UHRF2: variants seen among roughly 807,000 people sequenced by gnomAD.
The protein encoded by UHRF2 is ubiquitin like with PHD and ring finger domains 2.
A neutral mutation model predicts 96.8 loss-of-function variants in UHRF2; 23 were observed. The ratio of observed to expected loss-of-function variants is 0.24; its 90% CI spans 0.17 to 0.34. UHRF2 has a LOEUF of 0.34. Among genes scored for constraint, UHRF2 ranks in the 10% least tolerant of loss-of-function variants. UHRF2 has a pLI of 1.00. For missense variants in UHRF2, 685 were observed against 981.5 expected, an observed-to-expected ratio of 0.70 and a Z score of 4.04; for synonymous variants, 385 against 332.6, an observed-to-expected ratio of 1.16 and a Z score of -1.72.
chr9:6,491,921 C>G (rs1824681775), intron 9 of UHRF2, among the ~76,000 whole-genome samples: 1 of 152,084 alleles, frequency 6.6e-6, no homozygotes, highest in Non-Finnish European at 1.5e-5. Context: ...TTAATAGAGA[C>G]AAGGTCTCGC....
chr9:6,472,926 A>G (rs1455133654), intron 4 of UHRF2, among the ~76,000 whole-genome samples: 3 of 152,226 alleles, frequency 2.0e-5, no homozygotes, highest in Non-Finnish European at 4.4e-5. Flanking sequence ...CTGAATTTGA[A>G]TATAAAATAC....
intron 14 of UHRF2, among the ~76,000 whole-genome samples, chr9:6,501,488 T>C (rs1166292992): frequency 6.6e-6 from 1 of 152,230 alleles, no homozygotes; most frequent in Non-Finnish European, 1.5e-5. Flanking sequence ...ACACAAAAAC[T>C]CTACAGAGTT....
rs749969067 is a variant in UHRF2, at chr9:6,506,029, A to G, written c.2263-4A>G. 6 of 1,613,892 alleles carry G rather than the reference A, an allele frequency of 3.7e-6. No individual in the cohort carries two copies. ...TAAATTGGATGTTTTTGTTTTTACCATAGGATTGCCTACAGCGCTCCTTTA... is the reference window on the plus strand; with the variant it reads ...TAAATTGGATGTTTTTGTTTTTACCGTAGGATTGCCTACAGCGCTCCTTTA... On this transcript the variant is annotated splice_region_variant and splice_polypyrimidine_tract_variant and intron_variant, in intron 15 of 15. Coordinates refer to ENST00000276893, the MANE Select transcript of UHRF2 (RefSeq NM_152896.3).
At chr9:6,490,557 A>G (rs894749905) in intron 9 of UHRF2, among the ~76,000 whole-genome samples, 3 of 152,186 alleles carry the variant, frequency 2.0e-5, no homozygotes, top group Non-Finnish European at 4.4e-5. Context: ...GAACCCAGGA[A>G]GCAGAGGTTG....
chr9:6,415,716 A>G (rs907557892), intron 1 of UHRF2, among the ~76,000 whole-genome samples: 6 of 152,226 alleles, frequency 3.9e-5, no homozygotes, highest in South Asian at 4.1e-4. Context: ...GTTAGGCTCC[A>G]GCTTTTAATC....
At chr9:6,445,880 T>C (rs1821454985) in intron 3 of UHRF2, among the ~76,000 whole-genome samples, 1 of 151,908 alleles carries the variant, frequency 6.6e-6, no homozygotes, top group Non-Finnish European at 1.5e-5. Flanking sequence ...TCTAATAATA[T>C]TGAAAATAAC....
Position 6,474,535 on chromosome 9 carries a change from G to A in UHRF2, c.864-856G>A, listed in dbSNP as rs1271931779. The stretch of plus-strand genomic sequence containing the variant: ...AGCCCAGCCAACATGGTGAAACCCT[G>A]TCTCTACTAAAAATACAAAAATTAG... On this transcript the variant is annotated intron_variant, in intron 4 of 15. Coordinates refer to ENST00000276893, the MANE Select transcript of UHRF2 (RefSeq NM_152896.3). Among the ~76,000 whole-genome samples the A allele has an allele frequency of 3.3e-5, 5 of 152,202 alleles. No individual in the cohort carries two copies. The East Asian group carries it at 5.8e-4, about 18-fold the overall frequency.
At chr9:6,454,824 A>C (rs756159853) in intron 3 of UHRF2, among the ~76,000 whole-genome samples, 21 of 152,210 alleles carry the variant, frequency 1.4e-4, no homozygotes, top group Non-Finnish European at 2.2e-4. Flanking sequence ...ATAAATACTA[A>C]TTCCTGTATT....
At chr9:6,504,158 TG>T (rs1332617753) in intron 14 of UHRF2, among the ~76,000 whole-genome samples, 1 of 151,862 alleles carries the variant, frequency 6.6e-6, no homozygotes, top group African/African-American at 2.4e-5. Context: ...CCCCAGCAGC[TG>T]GGACTACAGG....
At chr9:6,438,026 C>G (rs1820955164) in intron 3 of UHRF2, among the ~76,000 whole-genome samples, 1 of 152,182 alleles carries the variant, frequency 6.6e-6, no homozygotes, top group Non-Finnish European at 1.5e-5. Context: ...AAAAACAATA[C>G]CATCAGGACC....
intron 3 of UHRF2, among the ~76,000 whole-genome samples, chr9:6,443,810 T>G (rs1399548129): frequency 6.6e-5 from 10 of 152,244 alleles, no homozygotes; most frequent in Non-Finnish European, 1.2e-4. Context: ...TGTGGGTAAC[T>G]TAGGCTAGGC....
chr9:6,448,104 A>G (rs1016358999), intron 3 of UHRF2, among the ~76,000 whole-genome samples: 1 of 152,220 alleles, frequency 6.6e-6, no homozygotes, highest in South Asian at 2.1e-4. Flanking sequence ...AAAGCCTACA[A>G]TCTGGACAAA....
intron 8 of UHRF2, among the ~76,000 whole-genome samples, chr9:6,482,880 CG>C (rs1365466531): frequency 6.6e-6 from 1 of 152,134 alleles, no homozygotes; most frequent in African/African-American, 2.4e-5. Flanking sequence ...CCACTGCGCC[CG>C]GCCTGGCTTT....
intron 2 of UHRF2, chr9:6,422,771 C>A: frequency 2.3e-6 from 1 of 432,334 alleles, no homozygotes. Flanking sequence ...CCATGCCCGG[C>A]TAACTTAGAT....
At chr9:6,486,958 C>A in intron 9 of UHRF2, 33 bp downstream of exon 9, 1 of 1,591,836 alleles carries the variant, frequency 6.3e-7, no homozygotes, top group Non-Finnish European at 8.6e-7. Context: ...TCATTAGTAC[C>A]TGCCTTGACC....
At chr9:6,452,828 A>C (rs1381717624) in intron 3 of UHRF2, among the ~76,000 whole-genome samples, 1 of 151,994 alleles carries the variant, frequency 6.6e-6, no homozygotes, top group South Asian at 2.1e-4. Context: ...AGATGGTTAT[A>C]TGAATCTGAA....
At chr9:6,465,456 T>C (rs762777340) in intron 4 of UHRF2, among the ~76,000 whole-genome samples, 23 of 152,204 alleles carry the variant, frequency 1.5e-4, no homozygotes, top group Admixed American at 7.8e-4. Flanking sequence ...GAAAGTTCTT[T>C]TATGGTCAGT....
intron 9 of UHRF2, among the ~76,000 whole-genome samples, chr9:6,493,184 G>T (rs1006489838): frequency 1.3e-5 from 2 of 152,066 alleles, no homozygotes; most frequent in African/African-American, 4.8e-5. Flanking sequence ...TGTAATCCCA[G>T]CTGCTTGGGA....
chr9:6,421,383 A>G (rs531058442), intron 2 of UHRF2, among the ~76,000 whole-genome samples: 1 of 152,182 alleles, frequency 6.6e-6, no homozygotes, highest in Non-Finnish European at 1.5e-5. Context: ...CACCAAGGTT[A>G]AGAAGTAGAT....
Sources: allele counts gnomAD v4.1 joint callset (sites outside exome capture counted in the v4.1 genomes callset), GRCh38; gene constraint gnomAD v4.1.1; transcripts MANE v1.5; gene names NCBI Gene and HGNC (gene_info 2026-07-23, HGNC 2026-07-21).